The following NLGN4X variants were observed in gnomAD, a reference collection of about 807,000 sequenced individuals.
NLGN4X encodes the protein neuroligin 4 X-linked, also known as neuroligin-4, X-linked.
NLGN4X carries 3 observed loss-of-function variants against 40.3 expected under a neutral mutation model. The observed-to-expected ratio is 0.07, with a 90% CI of 0.03 to 0.19. The LOEUF is 0.19. Among genes scored for constraint, NLGN4X ranks in the 10% least tolerant of loss-of-function variants. The pLI is 1.00. For synonymous variants in NLGN4X, 270 were observed against 306.8 expected (o/e 0.88, Z 1.25); for missense variants, 382 against 708.3 (o/e 0.54, Z 5.23).
intron 2 of NLGN4X, among the ~76,000 whole-genome samples, chrX:6,060,217 T>C (rs2037736706): frequency 8.9e-6 from 1 of 112,205 alleles, no homozygotes; most frequent in African/African-American, 3.2e-5. Flanking sequence ...ACAAGCCCTC[T>C]GAATCTTGTA....
Position 5,967,878 on chromosome X carries a change from C to T in NLGN4X, c.626-58639G>A, listed in dbSNP as rs183367449. Among the ~76,000 whole-genome samples, 386 of 111,073 alleles carry T rather than the reference C, an allele frequency of 3.5e-3. 1 individual carries two copies. Among genetic ancestry groups the T allele is most frequent in the African/African-American group, 0.011 (331 of 30,548 alleles). On this transcript the variant is annotated intron_variant, in intron 3 of 5. Transcript: ENST00000381095. ...CTCACCCTGCAGGTAGTGTGCAGTC[C>T]CTCCCCCATCATGGACTATAAACCT...
rs182166765 is a variant in NLGN4X at position 6,131,202 on chromosome X, T to C, written c.472+19793A>G. Among the ~76,000 whole-genome samples, 208 of 111,134 alleles carry C rather than the reference T, an allele frequency of 1.9e-3. 1 individual carries two copies. Among genetic ancestry groups the C allele is most frequent in the Non-Finnish European group, 2.9e-3 (151 of 52,974 alleles). ...ACTATATTTACCAAAAGACTATTCATGCATTAAAAAAAAAGAAATAATTGG... is the reference window on the plus strand; with the variant it reads ...ACTATATTTACCAAAAGACTATTCACGCATTAAAAAAAAAGAAATAATTGG... On this transcript the variant is annotated intron_variant, in intron 2 of 5. Coordinates refer to ENST00000381095, the MANE Select transcript of NLGN4X (RefSeq NM_181332.3).
intron 2 of NLGN4X, among the ~76,000 whole-genome samples, chrX:6,143,944 G>A (rs1051895823): frequency 9.0e-6 from 1 of 111,628 alleles, no homozygotes. Flanking sequence ...CAGACACCTG[G>A]ACATGCTTCT....
At chrX:6,109,696 T>C (rs927716966) in intron 2 of NLGN4X, among the ~76,000 whole-genome samples, 2 of 111,987 alleles carry the variant, frequency 1.8e-5, no homozygotes, top group African/African-American at 6.5e-5. Flanking sequence ...AGACATGCAT[T>C]GATCACATGC....
At chrX:6,199,867 T>C (rs1031484487) in intron 1 of NLGN4X, among the ~76,000 whole-genome samples, 1 of 112,043 alleles carries the variant, frequency 8.9e-6, no homozygotes, top group Non-Finnish European at 1.9e-5. Context: ...TGGTAAATCA[T>C]GCTAATTTAG....
At chrX:6,003,152 C>A (rs2036013813) in intron 3 of NLGN4X, among the ~76,000 whole-genome samples, 1 of 111,423 alleles carries the variant, frequency 9.0e-6, no homozygotes, top group African/African-American at 3.3e-5. Flanking sequence ...GCACTCAGAC[C>A]CAGCAGACTC....
At chrX:5,998,252 A>C (rs1176081383) in intron 3 of NLGN4X, among the ~76,000 whole-genome samples, 1 of 109,617 alleles carries the variant, frequency 9.1e-6, no homozygotes, top group Non-Finnish European at 1.9e-5. Context: ...TCTACTAAAA[A>C]TACAAAAATT....
At chrX:6,012,937 C>A (rs954512109) in intron 3 of NLGN4X, among the ~76,000 whole-genome samples, 2 of 111,723 alleles carry the variant, frequency 1.8e-5, no homozygotes, top group African/African-American at 6.5e-5. Context: ...TTTGTTATGG[C>A]CGCTCTAGAA....
At chrX:6,048,043 G>A (rs979674707) in intron 2 of NLGN4X, among the ~76,000 whole-genome samples, 3 of 111,609 alleles carry the variant, frequency 2.7e-5, no homozygotes, top group African/African-American at 6.5e-5. Flanking sequence ...TGAAATTCCC[G>A]CTGTGCCCTG....
intron 3 of NLGN4X, among the ~76,000 whole-genome samples, chrX:5,914,210 C>T (rs1316170845): frequency 8.9e-6 from 1 of 111,946 alleles, no homozygotes; most frequent in African/African-American, 3.2e-5. Flanking sequence ...ATCATATAAA[C>T]ATGAATATTT....
intron 3 of NLGN4X, among the ~76,000 whole-genome samples, chrX:5,965,011 G>A (rs771594804): frequency 4.6e-4 from 51 of 111,816 alleles, no homozygotes; most frequent in African/African-American, 1.5e-3. Context: ...CATAGAACAC[G>A]GAACAGGCAT....
chrX:5,935,067 A>G (rs991967015), intron 3 of NLGN4X, among the ~76,000 whole-genome samples: 5 of 112,305 alleles, frequency 4.5e-5, no homozygotes, highest in Non-Finnish European at 9.4e-5. Context: ...GGGAAGCTCA[A>G]CAAAGAAAAA....
At chrX:6,208,774 T>G (rs1335683359) in intron 1 of NLGN4X, among the ~76,000 whole-genome samples, 1 of 111,988 alleles carries the variant, frequency 8.9e-6, no homozygotes, top group Admixed American at 9.5e-5. Context: ...CCACATACAC[T>G]GTTGATGGGA....
chrX:6,001,695 T>C (rs1040365518), intron 3 of NLGN4X, among the ~76,000 whole-genome samples: 2 of 110,699 alleles, frequency 1.8e-5, no homozygotes, highest in East Asian at 2.8e-4. Context: ...TTTTTTTTTT[T>C]TTTAAATATG....
At chrX:5,926,575 G>T (rs1215773097) in intron 3 of NLGN4X, among the ~76,000 whole-genome samples, 2 of 110,404 alleles carry the variant, frequency 1.8e-5, no homozygotes, top group African/African-American at 3.3e-5. Flanking sequence ...TTTATTCTGG[G>T]TGTCATGATG....
intron 3 of NLGN4X, among the ~76,000 whole-genome samples, chrX:5,920,372 G>T (rs751339263): frequency 1.1e-3 from 120 of 112,098 alleles, no homozygotes; most frequent in Non-Finnish European, 2.0e-3. Flanking sequence ...AACATGGCAG[G>T]GATGTGATAG....
intron 2 of NLGN4X, among the ~76,000 whole-genome samples, chrX:6,079,246 T>C (rs751607111): frequency 5.9e-4 from 66 of 112,033 alleles, no homozygotes; most frequent in Non-Finnish European, 1.0e-3. Flanking sequence ...GTGTGCAGCA[T>C]AGCCCATGAG....
intron 3 of NLGN4X, among the ~76,000 whole-genome samples, chrX:5,932,811 A>G (rs1051479092): frequency 9.0e-6 from 1 of 111,561 alleles, no homozygotes; most frequent in Non-Finnish European, 1.9e-5. Flanking sequence ...AAAAAAATAC[A>G]GAGGAAGAAC....
chrX:5,930,449 C>T (rs2033506959), intron 3 of NLGN4X, among the ~76,000 whole-genome samples: 1 of 111,792 alleles, frequency 8.9e-6, no homozygotes, highest in Non-Finnish European at 1.9e-5. Flanking sequence ...GGGGGATGGA[C>T]CCCAGAATGT....
Sources: gnomAD v4.1 joint callset for allele counts (sites outside exome capture counted in the v4.1 genomes callset) on GRCh38, gnomAD v4.1.1 for gene constraint, MANE v1.5 for transcripts, NCBI Gene and HGNC (gene_info 2026-07-23, HGNC 2026-07-21) for gene names.